Variants in GORASP2 observed in about 807,000 individuals in gnomAD.
GORASP2 encodes Golgi reassembly-stacking protein 2.
Under a neutral mutation model 45.7 loss-of-function variants are expected in GORASP2, and 22 were observed. That is an observed-to-expected ratio of 0.48 (90% CI 0.34 to 0.69). GORASP2 has a LOEUF of 0.69. Ranked by LOEUF, GORASP2 falls within the 30% of genes least tolerant of loss-of-function variation. GORASP2 has a pLI of 0.01. For synonymous variants in GORASP2, 221 were observed against 215.6 expected, an observed-to-expected ratio of 1.02 and a Z score of -0.22; for missense variants, 491 against 562.7, an observed-to-expected ratio of 0.87 and a Z score of 1.29.
At chr2:170,957,853 G>A (rs1174059827) in intron 7 of GORASP2, among the ~76,000 whole-genome samples, 3 of 151,710 alleles carry the variant, frequency 2.0e-5, no homozygotes, top group Non-Finnish European at 4.4e-5. Flanking sequence ...TAGGGCTGGG[G>A]TCTCTCTGTT....
At chr2:170,964,648 G>A (rs963258698) in intron 9 of GORASP2, among the ~76,000 whole-genome samples, 15 of 151,844 alleles carry the variant, frequency 9.9e-5, no homozygotes, top group East Asian at 5.8e-4. Context: ...ATGAGACTCC[G>A]TCTCAAAAAA....
At chr2:170,958,662 TTTTTTTTTTTTTAAA>T (rs2105327073) in intron 7 of GORASP2, among the ~76,000 whole-genome samples, 1 of 73,342 alleles carries the variant, frequency 1.4e-5, no homozygotes, top group Non-Finnish European at 3.3e-5. Flanking sequence ...TCTTTTTTTT[TTTTTTTTTTTTTAAA>T]AAAAAAAAAA....
chr2:170,953,263 G>A lies in GORASP2; in HGVS notation c.567-1387G>A, dbSNP rs540127120. Among the ~76,000 whole-genome samples the A allele has an allele frequency of 4.0e-4, 61 of 152,164 alleles. No individual in the cohort carries two copies. The Middle Eastern group carries it at 0.017, about 42-fold the overall frequency. On this transcript the variant is annotated intron_variant, in intron 5 of 9. Coordinates refer to ENST00000234160, the MANE Select transcript of GORASP2 (RefSeq NM_015530.5). Reference sequence around the variant, plus strand: ...CCCAGCTACTCAGGAGGCTCAGGCGGGAGGATTGCTTGAGCCCAGGAGGCA... The same window carrying A: ...CCCAGCTACTCAGGAGGCTCAGGCGAGAGGATTGCTTGAGCCCAGGAGGCA...
rs1465925468 is a variant in GORASP2, at chr2:170,949,640, C to T, written c.246C>T (p.Thr82=). 1.2e-6 allele frequency: 2 copies of T among 1,614,030 alleles called. No individual in the cohort carries two copies. Residue 82 remains threonine (T), a synonymous_variant, in exon 3 of 10, where the codon ACC becomes ACT. Transcript: ENST00000234160. The part of the protein sequence containing the change: ...YSSKTLELRE[T]SVTPSNLWGG... ...GCAAAACATTGGAACTGCGAGAGAC[C>T]TCAGTCACACCAAGTAACCTGTGGG...
chr2:170,946,110 C>T (rs1704177609), intron 1 of GORASP2, among the ~76,000 whole-genome samples: 1 of 152,084 alleles, frequency 6.6e-6, no homozygotes, highest in Non-Finnish European at 1.5e-5. Flanking sequence ...CTCCTGGGTG[C>T]AAGTGATCCT....
At position 170,939,506 on chromosome 2, in the gene GORASP2, C is replaced by T. The variant is rs190641722; in HGVS notation, c.64-8844C>T. 1.2e-4 allele frequency among the ~76,000 whole-genome samples: 19 copies of T among 152,314 alleles called. No individual in the cohort carries two copies. The East Asian group carries it at 3.7e-3, about 29-fold the overall frequency. On this transcript the variant is annotated intron_variant, in intron 1 of 9. Coordinates refer to ENST00000234160, the MANE Select transcript of GORASP2 (RefSeq NM_015530.5). Reference sequence around the variant, plus strand: ...TGTGGCTTCAGTTACCTTTGGTCAACTGAGGTCCAAAAATATCAGATGGAA... The same window carrying T: ...TGTGGCTTCAGTTACCTTTGGTCAATTGAGGTCCAAAAATATCAGATGGAA...
At chr2:170,936,832 C>T (rs765258616) in intron 1 of GORASP2, 3 of 362,570 alleles carry the variant, frequency 8.3e-6, no homozygotes, top group Non-Finnish European at 1.7e-5. Context: ...GAGGCTGCAG[C>T]GAGCTATCCT....
chr2:170,960,622 T>G (rs1167340293), intron 7 of GORASP2, among the ~76,000 whole-genome samples: 2 of 152,236 alleles, frequency 1.3e-5, no homozygotes, highest in Non-Finnish European at 2.9e-5. Context: ...ATAAAAAAAT[T>G]ATAGCATTGC....
chr2:170,964,245 A>G (rs1252814274), intron 9 of GORASP2, among the ~76,000 whole-genome samples: 2 of 152,110 alleles, frequency 1.3e-5, no homozygotes, highest in Non-Finnish European at 2.9e-5. Flanking sequence ...TTACAGCACC[A>G]TGGTGTGCAT....
At chr2:170,929,036 G>A, upstream of GORASP2, 2 of 322,134 alleles carry the variant, frequency 6.2e-6, no homozygotes, top group Non-Finnish European at 1.1e-5. Context: ...GCTGGGGGAA[G>A]CGCATTTCTG....
chr2:170,929,502 C>G, intron 1 of GORASP2, 99 bp downstream of exon 1: 2 of 995,628 alleles, frequency 2.0e-6, no homozygotes, highest in South Asian at 2.2e-5. Flanking sequence ...GGCAGCCAGG[C>G]CCGATCCCGC....
At chr2:170,952,815 ACAGGTG>A (rs1291118740) in intron 5 of GORASP2, among the ~76,000 whole-genome samples, 1 of 152,120 alleles carries the variant, frequency 6.6e-6, no homozygotes, top group African/African-American at 2.4e-5. Context: ...ACCTGGGACT[ACAGGTG>A]TACACACTGT....
intron 1 of GORASP2, among the ~76,000 whole-genome samples, chr2:170,946,387 GATT>G (rs1704182945): frequency 1.3e-5 from 2 of 152,028 alleles, no homozygotes; most frequent in African/African-American, 4.8e-5. Flanking sequence ...ATGTGGAGTG[GATT>G]ATATTTTTTA....
intron 1 of GORASP2, among the ~76,000 whole-genome samples, chr2:170,931,471 T>A (rs1250375710): frequency 6.6e-6 from 1 of 152,228 alleles, no homozygotes; most frequent in Non-Finnish European, 1.5e-5. Flanking sequence ...GCTTGTAAAC[T>A]GGAGTAACTG....
intron 1 of GORASP2, among the ~76,000 whole-genome samples, chr2:170,943,510 C>T (rs538166383): frequency 2.0e-5 from 3 of 152,246 alleles, no homozygotes; most frequent in Non-Finnish European, 2.9e-5. Context: ...AAGAAGATGG[C>T]GTTATCCCTT....
upstream of GORASP2, chr2:170,929,040 A>C (rs1703745872): frequency 3.0e-6 from 1 of 329,228 alleles, no homozygotes; most frequent in East Asian, 4.6e-5. Context: ...GGGGAAGCGC[A>C]TTTCTGTTCT....
At chr2:170,932,817 T>C (rs538722247) in intron 1 of GORASP2, among the ~76,000 whole-genome samples, 4 of 152,320 alleles carry the variant, frequency 2.6e-5, no homozygotes, top group Admixed American at 6.5e-5. Context: ...TCAAGGACTA[T>C]ATGGCCAAAA....
At chr2:170,946,279 A>G (rs1704181041) in intron 1 of GORASP2, among the ~76,000 whole-genome samples, 1 of 152,170 alleles carries the variant, frequency 6.6e-6, no homozygotes, top group Non-Finnish European at 1.5e-5. Context: ...CTGGGATTAC[A>G]GGCATGAGCC....
chr2:170,966,475 G>T lies in GORASP2; in HGVS notation c.*345G>T, dbSNP rs983276873. The T allele has an allele frequency of 1.1e-5, 4 of 358,450 alleles. No homozygotes were observed. Among genetic ancestry groups the T allele is most frequent in the African/African-American group, 2.1e-5 (1 of 47,042 alleles). The allele number at this position is 358,450 out of a possible 1,614,324, so 22.2% of individuals were successfully genotyped here. ...TTTCCTGTCCCCTGCTGCTCCTTCCGTAAGAAAATGAAATATTCTATGCCT... is the reference window on the plus strand; with the variant it reads ...TTTCCTGTCCCCTGCTGCTCCTTCCTTAAGAAAATGAAATATTCTATGCCT... On this transcript the variant is annotated 3_prime_UTR_variant, in exon 10 of 10. Transcript: ENST00000234160.
Sources: allele counts gnomAD v4.1 joint callset (sites outside exome capture counted in the v4.1 genomes callset), GRCh38; gene constraint gnomAD v4.1.1; transcripts MANE v1.5; gene names NCBI Gene and HGNC (gene_info 2026-07-23, HGNC 2026-07-21).